CALN1: variants seen among roughly 807,000 people sequenced by gnomAD.
The protein encoded by CALN1 is calneuron 1.
CALN1 carries 17 observed loss-of-function variants against 30.6 expected under a neutral mutation model. The observed-to-expected ratio is 0.56, with a 90% CI of 0.38 to 0.83. The LOEUF (loss-of-function observed/expected upper bound fraction) is 0.83, where lower values mean the gene tolerates loss of function less well. Among genes scored for constraint, CALN1 ranks in the 40% least tolerant of loss-of-function variants. CALN1 has a pLI of 0.00. For synonymous variants in CALN1, 156 were observed against 131.4 expected, an observed-to-expected ratio of 1.19 and a Z score of -1.28; for missense variants, 291 against 354.9, an observed-to-expected ratio of 0.82 and a Z score of 1.45.
At chr7:72,365,865 C>CT (rs1370774932) in intron 2 of CALN1, among the ~76,000 whole-genome samples, 1 of 152,136 alleles carries the variant, frequency 6.6e-6, no homozygotes, top group Non-Finnish European at 1.5e-5. Flanking sequence ...AAAACGTACC[C>CT]TCTCGCCCAG....
intron 2 of CALN1, among the ~76,000 whole-genome samples, 173 bp downstream of exon 2, chr7:72,403,078 G>A (rs1040608334): frequency 5.8e-4 from 89 of 152,210 alleles, no homozygotes; most frequent in African/African-American, 2.0e-3. Flanking sequence ...GCTCAAGAAA[G>A]GGGATAGAAT....
At position 72,148,101 on chromosome 7, in the gene CALN1, TA is replaced by T. The variant is rs71300800; in HGVS notation, c.245-41808del. On this transcript the variant is annotated intron_variant, in intron 3 of 6. Transcript: ENST00000395275. ...GAACTTAAAGTATAATAAAAAAAAA[TA>T]AAAAAAAAAAACAACCAACCAACCA... Among the ~76,000 whole-genome samples, 137 of 92,142 alleles carry T rather than the reference TA, an allele frequency of 1.5e-3. 2 individuals are homozygous for T. The highest frequency in any genetic ancestry group is 4.4e-3 in the Admixed American group (41 of 9,330). The allele number at this position is 92,142 out of a possible 152,430, so 60.4% of individuals were successfully genotyped here.
In CALN1 at chr7:72,368,490, T is replaced by C. The variant is rs138048171; in HGVS notation, c.119+34761A>G. On this transcript the variant is annotated intron_variant, in intron 2 of 6. Transcript: ENST00000395275. The stretch of plus-strand genomic sequence containing the variant: ...TATCATTCAAATTTTCCCAATTGAG[T>C]GTGTGATAAATTTATATACAAGAAA... 3.6e-3 allele frequency among the ~76,000 whole-genome samples: 541 copies of C among 151,950 alleles called. 4 individuals are homozygous for C. The highest frequency in any genetic ancestry group is 0.017 in the Middle Eastern group (5 of 294).
intron 5 of CALN1, among the ~76,000 whole-genome samples, chr7:71,867,460 G>C (rs1372768276): frequency 6.6e-6 from 1 of 151,760 alleles, no homozygotes; most frequent in Non-Finnish European, 1.5e-5. Flanking sequence ...TTTTGAGATA[G>C]AGTCTAGCTC....
At chr7:72,269,104 G>T (rs1219835679) in intron 3 of CALN1, among the ~76,000 whole-genome samples, 2 of 152,296 alleles carry the variant, frequency 1.3e-5, no homozygotes, top group East Asian at 3.9e-4. Context: ...GGGTAGGACA[G>T]GAGAGAGAAG....
chr7:72,256,014 C>T (rs1034679297), intron 3 of CALN1, among the ~76,000 whole-genome samples: 1 of 152,226 alleles, frequency 6.6e-6, no homozygotes, highest in African/African-American at 2.4e-5. Flanking sequence ...AGGCGTGAGC[C>T]ACCGCGCCCT....
chr7:71,996,955 G>T (rs1220121881), intron 5 of CALN1, among the ~76,000 whole-genome samples: 2 of 152,174 alleles, frequency 1.3e-5, no homozygotes, highest in Non-Finnish European at 2.9e-5. Context: ...AGCTGGGCTT[G>T]GTGGCGCACA....
chr7:72,410,120 CA>C (rs1428615425), intron 1 of CALN1, among the ~76,000 whole-genome samples: 4 of 152,044 alleles, frequency 2.6e-5, no homozygotes, highest in Non-Finnish European at 5.9e-5. Flanking sequence ...GAGTTGCTGA[CA>C]AAAAAGACGA....
At chr7:72,128,494 G>T (rs577916037) in intron 3 of CALN1, among the ~76,000 whole-genome samples, 5 of 152,086 alleles carry the variant, frequency 3.3e-5, no homozygotes, top group African/African-American at 4.8e-5. Context: ...AAAAACATGA[G>T]AATTTTTAAA....
At chr7:71,877,443 C>T (rs1792311862) in intron 5 of CALN1, among the ~76,000 whole-genome samples, 1 of 151,958 alleles carries the variant, frequency 6.6e-6, no homozygotes, top group South Asian at 2.1e-4. Flanking sequence ...AAATTACAAA[C>T]CACTTGAATA....
chr7:72,155,730 C>G (rs1456480028), intron 3 of CALN1, among the ~76,000 whole-genome samples: 1 of 152,132 alleles, frequency 6.6e-6, no homozygotes, highest in Non-Finnish European at 1.5e-5. Flanking sequence ...AACTCTATGG[C>G]TTAAAACCAC....
intron 5 of CALN1, among the ~76,000 whole-genome samples, chr7:71,983,415 G>GTAAGGAT (rs1798501636): frequency 2.0e-5 from 3 of 152,186 alleles, no homozygotes; most frequent in African/African-American, 4.8e-5. Context: ...TAGTACAAAT[G>GTAAGGAT]AGTCCAACAG....
chr7:71,837,102 C>T (rs777001338), intron 5 of CALN1, among the ~76,000 whole-genome samples: 4 of 151,426 alleles, frequency 2.6e-5, no homozygotes, highest in South Asian at 2.1e-4. Context: ...CATGGTAGCA[C>T]GGGCCTGTAA....
chr7:71,994,141 TTAATTA>T (rs1799114717), intron 5 of CALN1, among the ~76,000 whole-genome samples: 1 of 152,160 alleles, frequency 6.6e-6, no homozygotes, highest in Non-Finnish European at 1.5e-5. Flanking sequence ...TTTTATGAGA[TTAATTA>T]TAATTAACAA....
intron 4 of CALN1, among the ~76,000 whole-genome samples, chr7:72,052,202 C>T (rs1414907883): frequency 1.3e-5 from 2 of 152,114 alleles, no homozygotes; most frequent in African/African-American, 2.4e-5. Context: ...AAAAATCAAT[C>T]GTTTCCTTGT....
At chr7:72,112,188 G>A (rs1358008010) in intron 3 of CALN1, among the ~76,000 whole-genome samples, 1 of 152,158 alleles carries the variant, frequency 6.6e-6, no homozygotes, top group African/African-American at 2.4e-5. Flanking sequence ...GCAGGGAGGA[G>A]ACTCATTTCT....
At position 72,336,492 on chromosome 7, in the gene CALN1, T is replaced by C. The variant is rs568342974; in HGVS notation, c.120-57682A>G. On this transcript the variant is annotated intron_variant, in intron 2 of 6. Transcript: ENST00000395275. Reference sequence around the variant, plus strand: ...GGAGCCAGCTCCACGGAAGGCAAGGTGGCCGGCGCGGCCCCCAGCCCGCGG... The same window carrying C: ...GGAGCCAGCTCCACGGAAGGCAAGGCGGCCGGCGCGGCCCCCAGCCCGCGG... Among the ~76,000 whole-genome samples the C allele has an allele frequency of 2.6e-5, 4 of 151,958 alleles. No homozygotes were observed. The East Asian group carries it at 5.9e-4, about 22-fold the overall frequency.
At chr7:72,165,668 T>C (rs969468115) in intron 3 of CALN1, among the ~76,000 whole-genome samples, 9 of 152,054 alleles carry the variant, frequency 5.9e-5, no homozygotes, top group South Asian at 2.1e-4. Flanking sequence ...ATTTTAAAAA[T>C]GGAGCCTAAA....
At chr7:71,946,131 T>C (rs1409128422) in intron 5 of CALN1, among the ~76,000 whole-genome samples, 1 of 152,160 alleles carries the variant, frequency 6.6e-6, no homozygotes, top group African/African-American at 2.4e-5. Context: ...TTGGAAATTG[T>C]GGATCTTAGG....
Sources: allele counts gnomAD v4.1 joint callset (sites outside exome capture counted in the v4.1 genomes callset), GRCh38; gene constraint gnomAD v4.1.1; transcripts MANE v1.5; gene names NCBI Gene and HGNC (gene_info 2026-07-23, HGNC 2026-07-21).